Variants in KIAA0825 observed in about 807,000 individuals in gnomAD.
KIAA0825 encodes uncharacterized protein KIAA0825.
Under a neutral mutation model 147.6 loss-of-function variants are expected in KIAA0825, and 119 were observed. The ratio of observed to expected loss-of-function variants is 0.81; its 90% CI spans 0.69 to 0.94. The LOEUF (loss-of-function observed/expected upper bound fraction) is 0.94, where lower values mean the gene tolerates loss of function less well. KIAA0825 is among the 40% of genes least tolerant of loss of function. KIAA0825 has a pLI of 0.00. For synonymous variants in KIAA0825, 470 were observed against 518.1 expected (o/e 0.91, Z 1.26); for missense variants, 1,381 against 1,472.7 (o/e 0.94, Z 1.02).
intron 16 of KIAA0825, among the ~76,000 whole-genome samples, chr5:94,400,212 C>CA (rs1751204014): frequency 6.6e-6 from 1 of 152,002 alleles, no homozygotes; most frequent in South Asian, 2.1e-4. Context: ...GTTGTTCTTG[C>CA]AAACGAATGG....
chr5:94,427,494 C>A (rs1755042202), intron 14 of KIAA0825, among the ~76,000 whole-genome samples: 1 of 152,040 alleles, frequency 6.6e-6, no homozygotes, highest in African/African-American at 2.4e-5. Flanking sequence ...CATGATTGCA[C>A]CACTACATTC....
intron 20 of KIAA0825, among the ~76,000 whole-genome samples, chr5:94,198,295 TG>T (rs1319086454): frequency 6.6e-6 from 1 of 152,216 alleles, no homozygotes; most frequent in Non-Finnish European, 1.5e-5. Flanking sequence ...TACTGATTTT[TG>T]GACTTTGATT....
At chr5:94,356,485 G>C (rs991864225) in intron 20 of KIAA0825, among the ~76,000 whole-genome samples, 12 of 151,148 alleles carry the variant, frequency 7.9e-5, no homozygotes, top group Admixed American at 7.9e-4. Flanking sequence ...GGTCGCGGGC[G>C]CCTGTAGTCC....
Position 94,604,923 on chromosome 5 carries a change from A to C in KIAA0825, c.-153+13577T>G, listed in dbSNP as rs182213075. Among the ~76,000 whole-genome samples the C allele has an allele frequency of 2.8e-4, 43 of 152,252 alleles. 1 individual carries two copies. In the East Asian group the frequency reaches 6.6e-3, roughly 23 times the overall value. On this transcript the variant is annotated intron_variant, in intron 1 of 20. Coordinates refer to ENST00000682413, the MANE Select transcript of KIAA0825 (RefSeq NM_001145678.3). ...GGGCTGAACTGAAGGAGATAGAGACAAGAAAAGAAGCCATTTAAAAGATCA... is the reference window on the plus strand; with the variant it reads ...GGGCTGAACTGAAGGAGATAGAGACCAGAAAAGAAGCCATTTAAAAGATCA...
chr5:94,172,833 T>C (rs1033886055), intron 20 of KIAA0825, among the ~76,000 whole-genome samples: 1 of 152,158 alleles, frequency 6.6e-6, no homozygotes, highest in Non-Finnish European at 1.5e-5. Flanking sequence ...TAATGTAAAT[T>C]AACCTCATAT....
chr5:94,555,051 C>G lies in KIAA0825; in HGVS notation c.-1-17924G>C, dbSNP rs147914004. ...TTTTCCCTAGAACTATTATAAATGT[C>G]CTTCATTGTGAAATCTACATAATTG... On this transcript the variant is annotated intron_variant, in intron 2 of 20. Transcript: ENST00000682413. Among the ~76,000 whole-genome samples, 414 of 151,878 alleles carry G rather than the reference C, an allele frequency of 2.7e-3. 1 individual carries two copies. Among genetic ancestry groups the G allele is most frequent in the African/African-American group, 9.1e-3 (378 of 41,464 alleles).
chr5:94,353,419 T>A (rs1783914305), intron 20 of KIAA0825, among the ~76,000 whole-genome samples: 1 of 152,202 alleles, frequency 6.6e-6, no homozygotes, highest in South Asian at 2.1e-4. Flanking sequence ...TACTGTTAAT[T>A]TCATTAACAC....
intron 7 of KIAA0825, among the ~76,000 whole-genome samples, chr5:94,475,063 T>C (rs1465460437): frequency 2.0e-5 from 3 of 150,512 alleles, no homozygotes; most frequent in African/African-American, 4.9e-5. Flanking sequence ...CACTCCAGCC[T>C]GGGCAACAGA....
At chr5:94,515,449 GA>G (rs894962989) in intron 5 of KIAA0825, among the ~76,000 whole-genome samples, 1 of 151,960 alleles carries the variant, frequency 6.6e-6, no homozygotes, top group East Asian at 1.9e-4. Context: ...TAAGCTAAAT[GA>G]AAAAAATATT....
intron 7 of KIAA0825, among the ~76,000 whole-genome samples, chr5:94,474,559 T>C (rs1414204918): frequency 3.9e-5 from 6 of 152,176 alleles, no homozygotes; most frequent in Non-Finnish European, 7.3e-5. Flanking sequence ...ATTATGATCA[T>C]AAGCCTAATT....
chr5:94,268,727 G>T (rs1196072758), intron 20 of KIAA0825, among the ~76,000 whole-genome samples: 1 of 152,148 alleles, frequency 6.6e-6, no homozygotes, highest in South Asian at 2.1e-4. Context: ...TGAAAAATGT[G>T]TTACTCTGAT....
intron 2 of KIAA0825, among the ~76,000 whole-genome samples, chr5:94,557,673 G>A (rs1293879554): frequency 6.6e-6 from 1 of 152,034 alleles, no homozygotes; most frequent in Non-Finnish European, 1.5e-5. Flanking sequence ...TGCTAATTAG[G>A]CAAAAACAGG....
At chr5:94,480,874 G>C (rs1343294074) in intron 6 of KIAA0825, among the ~76,000 whole-genome samples, 2 of 151,874 alleles carry the variant, frequency 1.3e-5, no homozygotes, top group African/African-American at 4.8e-5. Context: ...TCTGTACAGG[G>C]AAGCAAAAGT....
At chr5:94,419,154 C>T (rs1003342825) in intron 14 of KIAA0825, among the ~76,000 whole-genome samples, 2 of 152,070 alleles carry the variant, frequency 1.3e-5, no homozygotes, top group African/African-American at 4.8e-5. Flanking sequence ...CAATTACAGG[C>T]CTGAGTTGTT....
intron 1 of KIAA0825, among the ~76,000 whole-genome samples, chr5:94,589,967 T>C (rs1391391335): frequency 6.6e-6 from 1 of 152,054 alleles, no homozygotes; most frequent in African/African-American, 2.4e-5. Flanking sequence ...AGGAAATGGA[T>C]ATGAGGTAGA....
chr5:94,346,351 A>C (rs189476912), intron 20 of KIAA0825, among the ~76,000 whole-genome samples: 1 of 152,318 alleles, frequency 6.6e-6, no homozygotes, highest in African/African-American at 2.4e-5. Flanking sequence ...TATATTAAGT[A>C]CTATATATTA....
Position 94,161,600 on chromosome 5 carries a change from C to T in KIAA0825, c.3711-7476G>A, listed in dbSNP as rs560998057. Among the ~76,000 whole-genome samples the T allele has an allele frequency of 6.6e-5, 10 of 152,274 alleles. No individual in the cohort carries two copies. In the South Asian group the frequency reaches 2.1e-3, roughly 32 times the overall value. ...CTGCTTTGTTACATCTTTTCTATTA[C>T]TTTCTTGAGCTGTTATTTCATTGTT... On this transcript the variant is annotated intron_variant, in intron 20 of 20. Coordinates refer to ENST00000682413, the MANE Select transcript of KIAA0825 (RefSeq NM_001145678.3).
intron 2 of KIAA0825, among the ~76,000 whole-genome samples, chr5:94,546,571 G>C (rs1202015287): frequency 1.3e-5 from 2 of 151,844 alleles, no homozygotes; most frequent in Non-Finnish European, 2.9e-5. Flanking sequence ...AAGTAAGGGA[G>C]GAGAACATGA....
rs190844150 is a variant in KIAA0825 at position 94,170,243 on chromosome 5, G to A, written c.3711-16119C>T. Among the ~76,000 whole-genome samples, 1,137 of 152,196 alleles carry A rather than the reference G, an allele frequency of 7.5e-3. 5 individuals are homozygous for A. Among genetic ancestry groups the A allele is most frequent in the Non-Finnish European group, 0.013 (874 of 68,006 alleles). ...GAACCCAGGAGACAGAGCTTGCAGT[G>A]AGCCAAGATCACGCCACTGCACTGC... is the stretch of plus-strand genomic sequence containing the variant. On this transcript the variant is annotated intron_variant, in intron 20 of 20. Transcript: ENST00000682413.
Sources: gnomAD v4.1 joint callset for allele counts (sites outside exome capture counted in the v4.1 genomes callset) on GRCh38, gnomAD v4.1.1 for gene constraint, MANE v1.5 for transcripts, NCBI Gene and HGNC (gene_info 2026-07-23, HGNC 2026-07-21) for gene names.